The following SSTR1 variants were observed in gnomAD, a reference collection of about 807,000 sequenced individuals.
SSTR1 encodes somatostatin receptor 1.
Under a neutral mutation model 20.7 loss-of-function variants are expected in SSTR1, and 10 were observed. The ratio of observed to expected loss-of-function variants is 0.48; its 90% confidence interval spans 0.30 to 0.82. SSTR1 has a LOEUF of 0.82. SSTR1 is among the 40% of genes least tolerant of loss of function. SSTR1 has a pLI of 0.07. For missense variants in SSTR1, 494 were observed against 540.0 expected, an observed-to-expected ratio of 0.91 and a Z score of 0.84; for synonymous variants, 267 against 227.8, an observed-to-expected ratio of 1.17 and a Z score of -1.55.
rs2139296231 is a variant in SSTR1 at position 38,209,333 on chromosome 14, G to C, written c.-57G>C. On this transcript the variant is annotated 5_prime_UTR_variant, in exon 3 of 3. Coordinates refer to ENST00000267377, the MANE Select transcript of SSTR1 (RefSeq NM_001049.3). Reference sequence around the variant, plus strand: ...GGTGGGGAGGGAGGGCGCAGGCGGCGGGTGCGCGAGGAGAAAGCCCCAGCC... The same window carrying C: ...GGTGGGGAGGGAGGGCGCAGGCGGCCGGTGCGCGAGGAGAAAGCCCCAGCC... The C allele has an allele frequency of 4.2e-6, 6 of 1,421,662 alleles. No homozygotes were observed. Among genetic ancestry groups the C allele is most frequent in the South Asian group, 3.1e-5 (2 of 64,502 alleles). 88.1% of individuals were successfully genotyped at this position (1,421,662 alleles called of 1,614,324 possible).
rs1318884371 is a variant in SSTR1 at position 38,212,363 on chromosome 14, A to G, written c.*1798A>G. 4 of 167,096 alleles carry G rather than the reference A, an allele frequency of 2.4e-5. No homozygotes were observed. The allele number at this position is 167,096 out of a possible 1,614,324, so 10.4% of individuals were successfully genotyped here. A position where few individuals can be genotyped will look rare whatever the true frequency, so the allele number is the denominator to read the frequency against. ...GAGTGCAAGCAGCACTCAAACCTGG[A>G]GCTGAGGAATCTAATTCAGACAGAG... is the stretch of plus-strand genomic sequence containing the variant. On this transcript the variant is annotated 3_prime_UTR_variant, in exon 3 of 3. Coordinates refer to ENST00000267377, the MANE Select transcript of SSTR1 (RefSeq NM_001049.3).
rs1883339109 is a variant in SSTR1, at chr14:38,211,944, A to G, written c.*1379A>G. On this transcript the variant is annotated 3_prime_UTR_variant, in exon 3 of 3. Transcript: ENST00000267377. ...GGAAGTAGGGGCAAGCTCTTGCCCC[A>G]CTCCCTGGCCATCTCAACGCCTCTC... 6.0e-6 allele frequency: 1 copy of G among 166,762 alleles called. No individual in the cohort carries two copies. The highest frequency in any genetic ancestry group is 6.6e-5 in the Admixed American group (1 of 15,246). The allele number at this position is 166,762 out of a possible 1,614,324, so 10.3% of individuals were successfully genotyped here.
Position 38,209,136 on chromosome 14 carries a change from G to T in SSTR1, c.-254G>T. 2 of 412,400 alleles carry T rather than the reference G, an allele frequency of 4.8e-6. No homozygotes were observed. Among genetic ancestry groups the T allele is most frequent in the Non-Finnish European group, 4.2e-6 (1 of 237,850 alleles). The allele number at this position is 412,400 out of a possible 1,614,324, so 25.5% of individuals were successfully genotyped here. ...TGCCGTGCGGTGCTCCCACATCCTG[G>T]CCTCTCCTCTCCACGGTCGCCTGTG... On this transcript the variant is annotated 5_prime_UTR_variant, in exon 3 of 3. Transcript: ENST00000267377.
Position 38,210,312 on chromosome 14 carries a change from C to G in SSTR1, c.923C>G (p.Ser308Trp). ...GACGACGCCACGGTGAGTCAGCTGT[C>G]GGTCATCCTCGGCTATGCCAACAGC... is the stretch of plus-strand genomic sequence containing the variant. ...EQDDATVSQL[S>W]VILGYANSCA... The change falls in exon 3 of 3, where the codon TCG becomes TGG. Residue 308 changes from serine to tryptophan, a missense_variant. Ser to Trp is a radical substitution (Grantham distance 177). Coordinates refer to ENST00000267377, the MANE Select transcript of SSTR1 (RefSeq NM_001049.3). 1 of 1,614,230 alleles carries G rather than the reference C, an allele frequency of 6.2e-7. No homozygotes were observed. The highest frequency in any genetic ancestry group is 8.5e-7 in the Non-Finnish European group (1 of 1,180,044).
At position 38,209,380 on chromosome 14, in the gene SSTR1, C is replaced by T; in HGVS notation, c.-10C>T. The T allele has an allele frequency of 6.7e-7, 1 of 1,484,686 alleles. No individual in the cohort carries two copies. Among genetic ancestry groups the T allele is most frequent in the African/African-American group, 1.4e-5 (1 of 70,622 alleles). The allele number at this position is 1,484,686 out of a possible 1,614,324, so 92.0% of individuals were successfully genotyped here. On this transcript the variant is annotated 5_prime_UTR_variant, in exon 3 of 3. Transcript: ENST00000267377. ...AGCCCTGGCAGCCCCACTGGCCCCC[C>T]TCAGCTGGGATGTTCCCCAATGGCA... is the stretch of plus-strand genomic sequence containing the variant.
rs760395223 is a variant in SSTR1 at position 38,209,799 on chromosome 14, A to T, written c.410A>T (p.Asp137Val). 1 of 1,613,904 alleles carries T rather than the reference A, an allele frequency of 6.2e-7. No individual in the cohort carries two copies. Among genetic ancestry groups the T allele is most frequent in the African/African-American group, 1.3e-5 (1 of 75,012 alleles). Residue 137 changes from aspartate (D) to valine (V), a missense_variant, in exon 3 of 3, where the codon GAC becomes GTC. By Grantham distance (152) the Asp-to-Val change is radical. Transcript: ENST00000267377. ...ALLCRLVLSV[D>V]AVNMFTSIYC... Reference sequence around the variant, plus strand: ...CTCTGCCGCCTCGTGCTCAGCGTGGACGCGGTCAACATGTTCACCAGCATC... The same window carrying T: ...CTCTGCCGCCTCGTGCTCAGCGTGGTCGCGGTCAACATGTTCACCAGCATC...
intron 2 of SSTR1, among the ~76,000 whole-genome samples, 199 bp from the exon 3 acceptor site, chr14:38,208,847 C>T (rs533951509): frequency 1.3e-5 from 2 of 152,258 alleles, no homozygotes; most frequent in Admixed American, 1.3e-4. Context: ...CTTTGGTTCC[C>T]ACCCGCCCTC....
Position 38,211,783 on chromosome 14 carries a change from A to T in SSTR1, c.*1218A>T, listed in dbSNP as rs559405730. Reference sequence around the variant, plus strand: ...GGTTGCTGCCTTTCAAGCGGTGCCTAAGAAGTTATTTTCTTGTTTAACATA... The same window carrying T: ...GGTTGCTGCCTTTCAAGCGGTGCCTTAGAAGTTATTTTCTTGTTTAACATA... On this transcript the variant is annotated 3_prime_UTR_variant, in exon 3 of 3. Transcript: ENST00000267377. 1 of 167,114 alleles carries T rather than the reference A, an allele frequency of 6.0e-6. No homozygotes were observed. Among genetic ancestry groups the T allele is most frequent in the African/African-American group, 2.4e-5 (1 of 41,472 alleles). The allele number at this position is 167,114 out of a possible 1,614,324, so 10.4% of individuals were successfully genotyped here.
chr14:38,212,324 A>G lies in SSTR1; in HGVS notation c.*1759A>G, dbSNP rs1167427107. ...TGACAGGTGTGAGTCTGGCTGGAACACTTTCAGTTTCAGGAGTGCAAGCAG... is the reference window on the plus strand; with the variant it reads ...TGACAGGTGTGAGTCTGGCTGGAACGCTTTCAGTTTCAGGAGTGCAAGCAG... On this transcript the variant is annotated 3_prime_UTR_variant, in exon 3 of 3. Transcript: ENST00000267377. 6.0e-6 allele frequency: 1 copy of G among 167,072 alleles called. No homozygotes were observed. The highest frequency in any genetic ancestry group is 1.5e-5 in the Non-Finnish European group (1 of 68,128). The allele number at this position is 167,072 out of a possible 1,614,324, so 10.3% of individuals were successfully genotyped here.
In SSTR1 at chr14:38,210,745, C is replaced by A; in HGVS notation, c.*180C>A. 2 of 1,390,102 alleles carry A rather than the reference C, an allele frequency of 1.4e-6. No homozygotes were observed. The highest frequency in any genetic ancestry group is 1.9e-6 in the Non-Finnish European group (2 of 1,054,284). The allele number at this position is 1,390,102 out of a possible 1,614,324, so 86.1% of individuals were successfully genotyped here. On this transcript the variant is annotated 3_prime_UTR_variant, in exon 3 of 3. Coordinates refer to ENST00000267377, the MANE Select transcript of SSTR1 (RefSeq NM_001049.3). ...TTGATGGAGGAACCCAAGAAAGGCGCGCGACAATGGTAGAAGTGAGAGCTT... is the reference window on the plus strand; with the variant it reads ...TTGATGGAGGAACCCAAGAAAGGCGAGCGACAATGGTAGAAGTGAGAGCTT...
At position 38,209,535 on chromosome 14, in the gene SSTR1, G is replaced by A; in HGVS notation, c.146G>A (p.Gly49Glu). The change falls in exon 3 of 3, where the codon GGG (glycine) becomes GAG (glutamate). Residue 49 changes from glycine (G) to glutamate (E), a missense_variant. By Grantham distance (98) the Gly-to-Glu change is moderately conservative. Coordinates refer to ENST00000267377, the MANE Select transcript of SSTR1 (RefSeq NM_001049.3). ...CCAGGGCGAAATGCGTCCCAGAACG[G>A]GACCTTGAGCGAGGGCCAGGGCAGC... ...EEPGRNASQN[G>E]TLSEGQGSAI... 6.3e-7 allele frequency: 1 copy of A among 1,599,622 alleles called. No individual in the cohort carries two copies. The highest frequency in any genetic ancestry group is 1.7e-5 in the Admixed American group (1 of 59,504).
Position 38,210,207 on chromosome 14 carries a change from T to G in SSTR1, c.818T>G (p.Val273Gly). The G allele has an allele frequency of 6.2e-7, 1 of 1,614,244 alleles. No homozygotes were observed. Among genetic ancestry groups the G allele is most frequent in the Non-Finnish European group, 8.5e-7 (1 of 1,180,048 alleles). ...TCGGAGCGCAAGATCACCTTAATGG[T>G]GATGATGGTGGTGATGGTGTTTGTC... ...KRSERKITLM[V>G]MMVVMVFVIC... is the part of the protein sequence containing the mutation. The change falls in exon 3 of 3, where the codon GTG (valine) becomes GGG (glycine). Residue 273 changes from valine (V) to glycine (G), a missense_variant. Coordinates refer to ENST00000267377, the MANE Select transcript of SSTR1 (RefSeq NM_001049.3).
rs1047196000 is a variant in SSTR1 at position 38,210,582 on chromosome 14, G to A, written c.*17G>A. The A allele has an allele frequency of 6.5e-7, 1 of 1,542,006 alleles. No individual in the cohort carries two copies. The highest frequency in any genetic ancestry group is 1.2e-5 in the South Asian group (1 of 80,258). Reference sequence around the variant, plus strand: ...ACGCTCTGAGCCCGGGCCACGCAGGGGCTCTGAGCCCGGGCCACGCAGGGG... The same window carrying A: ...ACGCTCTGAGCCCGGGCCACGCAGGAGCTCTGAGCCCGGGCCACGCAGGGG... On this transcript the variant is annotated 3_prime_UTR_variant, in exon 3 of 3. Coordinates refer to ENST00000267377, the MANE Select transcript of SSTR1 (RefSeq NM_001049.3).
At chr14:38,208,824 A>G (rs896940472) in intron 2 of SSTR1, among the ~76,000 whole-genome samples, 3 of 152,104 alleles carry the variant, frequency 2.0e-5, no homozygotes, top group Non-Finnish European at 2.9e-5. Flanking sequence ...GTGGAATGAG[A>G]CAGAATCTAT....
In SSTR1 at chr14:38,209,389, G is replaced by C. The variant is rs1883277614; in HGVS notation, c.-1G>C. On this transcript the variant is annotated 5_prime_UTR_variant, in exon 3 of 3. Coordinates refer to ENST00000267377, the MANE Select transcript of SSTR1 (RefSeq NM_001049.3). Reference sequence around the variant, plus strand: ...AGCCCCACTGGCCCCCCTCAGCTGGGATGTTCCCCAATGGCACCGCCTCCT... The same window carrying C: ...AGCCCCACTGGCCCCCCTCAGCTGGCATGTTCCCCAATGGCACCGCCTCCT... The C allele has an allele frequency of 2.7e-6, 4 of 1,500,204 alleles. No homozygotes were observed. The South Asian group carries it at 5.5e-5, about 21-fold the overall frequency. 92.9% of individuals were successfully genotyped at this position (1,500,204 alleles called of 1,614,324 possible). A position where few individuals can be genotyped will look rare whatever the true frequency, so the allele number is the denominator to read the frequency against.
Position 38,209,709 on chromosome 14 carries a change from T to G in SSTR1, c.320T>G (p.Leu107Arg). Residue 107 changes from leucine to arginine, a missense_variant, in exon 3 of 3, where the codon CTC (leucine) becomes CGC (arginine). Physicochemically the swap from Leu to Arg is moderately radical, Grantham distance 102 (BLOSUM62 -2). Around this residue, in one of 3 missense-constraint regions of SSTR1, gnomAD observed 116 missense variants for 174.6 expected, o/e 0.66. Transcript: ENST00000267377. ...ILNLAIADEL[L>R]MLSVPFLVTS... The stretch of plus-strand genomic sequence containing the variant: ...AATCTGGCCATTGCTGATGAGCTGC[T>G]CATGCTCAGCGTGCCCTTCCTAGTC... 1 of 1,614,082 alleles carries G rather than the reference T, an allele frequency of 6.2e-7. No homozygotes were observed. Among genetic ancestry groups the G allele is most frequent in the Non-Finnish European group, 8.5e-7 (1 of 1,180,040 alleles).
chr14:38,210,489 A>T lies in SSTR1; in HGVS notation c.1100A>T (p.Asp367Val). The stretch of plus-strand genomic sequence containing the variant: ...AAGAGCCGTGCCTACAGTGTGGAAG[A>T]CTTCCAACCTGAGAACCTGGAGTCC... ...ALKSRAYSVE[D>V]FQPENLESGG... Residue 367 changes from aspartate to valine, a missense_variant, in exon 3 of 3, where the codon GAC (aspartate) becomes GTC (valine). Transcript: ENST00000267377. 6.2e-7 allele frequency: 1 copy of T among 1,613,230 alleles called. No individual in the cohort carries two copies. Among genetic ancestry groups the T allele is most frequent in the Non-Finnish European group, 8.5e-7 (1 of 1,179,752 alleles).
Position 38,209,322 on chromosome 14 carries a change from G to C in SSTR1, c.-68G>C, listed in dbSNP as rs992850676. The C allele has an allele frequency of 5.3e-5, 75 of 1,417,248 alleles. No individual in the cohort carries two copies. Among genetic ancestry groups the C allele is most frequent in the Non-Finnish European group, 6.5e-5 (71 of 1,087,702 alleles). The allele number at this position is 1,417,248 out of a possible 1,614,324, so 87.8% of individuals were successfully genotyped here. A position where few individuals can be genotyped will look rare whatever the true frequency, so the allele number is the denominator to read the frequency against. ...GCAAGCGGTCGGGTGGGGAGGGAGGGCGCAGGCGGCGGGTGCGCGAGGAGA... is the reference window on the plus strand; with the variant it reads ...GCAAGCGGTCGGGTGGGGAGGGAGGCCGCAGGCGGCGGGTGCGCGAGGAGA... On this transcript the variant is annotated 5_prime_UTR_variant, in exon 3 of 3. Coordinates refer to ENST00000267377, the MANE Select transcript of SSTR1 (RefSeq NM_001049.3).
In SSTR1 at chr14:38,211,363, CGAATGAGGAGTTTTTATAA is replaced by C. The variant is rs1203947082; in HGVS notation, c.*801_*819del. Reference sequence around the variant, plus strand: ...AGCAAAGAAGGAGCTGAGAACAAGCCGAATGAGGAGTTTTTATAAGATTGCGGGGTCGGAGTGTGGGCGC... The same window carrying C: ...AGCAAAGAAGGAGCTGAGAACAAGCCGATTGCGGGGTCGGAGTGTGGGCGC... On this transcript the variant is annotated 3_prime_UTR_variant, in exon 3 of 3. Transcript: ENST00000267377. 2 of 166,984 alleles carry C rather than the reference CGAATGAGGAGTTTTTATAA, an allele frequency of 1.2e-5. No individual in the cohort carries two copies. The highest frequency in any genetic ancestry group is 2.4e-5 in the African/African-American group (1 of 41,422). The allele number at this position is 166,984 out of a possible 1,614,324, so 10.3% of individuals were successfully genotyped here.
Sources: allele counts gnomAD v4.1 joint callset (sites outside exome capture counted in the v4.1 genomes callset), GRCh38; gene constraint gnomAD v4.1.1; regional missense constraint gnomAD v4.1.1; transcripts MANE v1.5; gene names NCBI Gene and HGNC (gene_info 2026-07-23, HGNC 2026-07-21).